Variants in ABI2 observed in about 807,000 individuals in gnomAD.
ABI2 encodes the protein abl interactor 2, also known as abelson interactor 2.
A neutral mutation model predicts 59.2 loss-of-function variants in ABI2; 25 were observed. That is an observed-to-expected ratio of 0.42 (90% CI 0.31 to 0.59). The LOEUF is 0.59. ABI2 is among the 20% of genes least tolerant of loss of function. The pLI is 0.14. For synonymous variants in ABI2, 213 were observed against 235.5 expected (o/e 0.90, Z 0.87); for missense variants, 545 against 681.8 (o/e 0.80, Z 2.23).
intron 2 of ABI2, 130 bp from the exon 3 acceptor site, chr2:203,380,078 A>C: frequency 1.7e-6 from 1 of 601,472 alleles, no homozygotes; most frequent in Non-Finnish European, 2.6e-6. Flanking sequence ...GTAGTCCAGA[A>C]GAATAAAAAT....
intron 2 of ABI2, among the ~76,000 whole-genome samples, chr2:203,373,224 G>A (rs1371984521): frequency 1.3e-5 from 2 of 152,150 alleles, no homozygotes; most frequent in East Asian, 3.9e-4. Flanking sequence ...ACCTCGGGAG[G>A]CCGAGGCTGG....
At chr2:203,405,356 G>A (rs2097379278) in intron 9 of ABI2, among the ~76,000 whole-genome samples, 1 of 152,024 alleles carries the variant, frequency 6.6e-6, no homozygotes, top group Admixed American at 6.6e-5. Flanking sequence ...GTGTTCTAAG[G>A]CTGTTAGATG....
chr2:203,426,008 T>G (rs2098416904), intron 11 of ABI2, among the ~76,000 whole-genome samples: 2 of 140,794 alleles, frequency 1.4e-5, no homozygotes, highest in Non-Finnish European at 3.0e-5. Context: ...GCGATAAGAG[T>G]GAGACTGTCT....
At chr2:203,407,717 A>G (rs2469966) in intron 9 of ABI2, among the ~76,000 whole-genome samples, 4,284 of 152,286 alleles carry the variant, frequency 0.028, 68 homozygotes, top group East Asian at 0.071. Context: ...GGTTATTGGG[A>G]AAGAGTCTTG....
chr2:203,349,084 C>T (rs1377170191), intron 1 of ABI2, among the ~76,000 whole-genome samples: 2 of 151,832 alleles, frequency 1.3e-5, no homozygotes, highest in African/African-American at 4.8e-5. Flanking sequence ...AGGCATGTGC[C>T]ACTGCACCCG....
intron 1 of ABI2, chr2:203,355,122 T>A: frequency 2.8e-6 from 1 of 361,986 alleles, no homozygotes; most frequent in Non-Finnish European, 6.0e-6. Flanking sequence ...TTGATGTAGA[T>A]CCTATTTTCT....
chr2:203,368,158 T>C (rs1404243453), intron 2 of ABI2, among the ~76,000 whole-genome samples: 1 of 152,222 alleles, frequency 6.6e-6, no homozygotes, highest in Non-Finnish European at 1.5e-5. Context: ...GGCTGCATAA[T>C]GTTGCGTGTA....
At chr2:203,400,298 A>G (rs2097171616) in intron 8 of ABI2, among the ~76,000 whole-genome samples, 1 of 151,912 alleles carries the variant, frequency 6.6e-6, no homozygotes, top group African/African-American at 2.4e-5. Flanking sequence ...CGTGTTGGTC[A>G]GGCTGGTCTT....
At chr2:203,391,836 A>G (rs998713283) in intron 5 of ABI2, among the ~76,000 whole-genome samples, 11 of 152,100 alleles carry the variant, frequency 7.2e-5, no homozygotes, top group South Asian at 2.1e-4. Flanking sequence ...AAAAAAAAAA[A>G]AAGAAGAATA....
chr2:203,383,023 TA>T (rs2096238586), intron 4 of ABI2, among the ~76,000 whole-genome samples: 1 of 152,218 alleles, frequency 6.6e-6, no homozygotes, highest in African/African-American at 2.4e-5. Context: ...CTGCCTAAAA[TA>T]CAAGGTTACT....
chr2:203,413,886 G>A (rs1403978639), intron 10 of ABI2, among the ~76,000 whole-genome samples: 1 of 122,144 alleles, frequency 8.2e-6, no homozygotes, highest in East Asian at 2.1e-4. Flanking sequence ...TTTGGAACCA[G>A]TTATAGTGAC....
At chr2:203,350,897 C>T (rs897187903) in intron 1 of ABI2, among the ~76,000 whole-genome samples, 11 of 150,608 alleles carry the variant, frequency 7.3e-5, no homozygotes, top group African/African-American at 9.8e-5. Flanking sequence ...TGTGTGCGCG[C>T]GCGCATACTT....
chr2:203,338,930 A>G (rs1243536535), intron 1 of ABI2, among the ~76,000 whole-genome samples: 3,163 of 6,942 alleles, frequency 0.46, 309 homozygotes, highest in African/African-American at 0.51. Flanking sequence ...GTGTGTGTGT[A>G]TATGTATATA....
chr2:203,410,279 A>G (rs565933057), intron 9 of ABI2, among the ~76,000 whole-genome samples: 9 of 152,172 alleles, frequency 5.9e-5, no homozygotes, highest in Non-Finnish European at 1.3e-4. Context: ...GAGCAGAGAC[A>G]TGTTCATCTT....
At chr2:203,373,674 C>T (rs1314246770) in intron 2 of ABI2, among the ~76,000 whole-genome samples, 1 of 152,282 alleles carries the variant, frequency 6.6e-6, no homozygotes, top group Non-Finnish European at 1.5e-5. Context: ...GAAAGTAGTG[C>T]TCTTCCCACC....
At chr2:203,379,472 C>A (rs1369871661) in intron 2 of ABI2, among the ~76,000 whole-genome samples, 2 of 152,176 alleles carry the variant, frequency 1.3e-5, no homozygotes, top group Non-Finnish European at 2.9e-5. Context: ...CTCCTGGGAT[C>A]AAGCAATCTG....
chr2:203,374,005 A>G (rs1371887012), intron 2 of ABI2, among the ~76,000 whole-genome samples: 2 of 151,932 alleles, frequency 1.3e-5, no homozygotes, highest in East Asian at 3.9e-4. Flanking sequence ...CAAAAAATGC[A>G]AAAATTAGCC....
intron 1 of ABI2, among the ~76,000 whole-genome samples, chr2:203,338,945 T>TATATATATATATATAA (rs2077951517): frequency 5.2e-4 from 22 of 42,512 alleles, no homozygotes; most frequent in Admixed American, 4.9e-3. Flanking sequence ...TATATATATA[T>TATATATATATATATAA]ATATATATAT....
chr2:203,411,209 T>C (rs1016128898), intron 9 of ABI2, 76 bp from the exon 10 acceptor site: 1 of 1,134,432 alleles, frequency 8.8e-7, no homozygotes, highest in East Asian at 2.4e-5. Context: ...TATGTGTTTA[T>C]TTTATTGTAT....
Sources: allele counts gnomAD v4.1 joint callset (sites outside exome capture counted in the v4.1 genomes callset), GRCh38; gene constraint gnomAD v4.1.1; transcripts MANE v1.5; gene names NCBI Gene and HGNC (gene_info 2026-07-23, HGNC 2026-07-21).